Variants in ZBBX observed in about 807,000 individuals in gnomAD.
ZBBX encodes the protein zinc finger B-box domain containing, also known as zinc finger B-box domain-containing protein 1.
Under a neutral mutation model 108.5 loss-of-function variants are expected in ZBBX, and 101 were observed. The ratio of observed to expected loss-of-function variants is 0.93; its 90% CI spans 0.79 to 1.10. ZBBX has a LOEUF of 1.10. Ranked by LOEUF, ZBBX falls within the 50% of genes least tolerant of loss-of-function variation. The pLI, the probability that ZBBX is intolerant of heterozygous loss-of-function variation, is 0.00. For missense variants in ZBBX, 1,009 were observed against 941.4 expected (o/e 1.07, Z -0.94); for synonymous variants, 356 against 323.4 (o/e 1.10, Z -1.08).
chr3:167,313,311 T>C (rs763304059), intron 16 of ZBBX, among the ~76,000 whole-genome samples: 6 of 152,286 alleles, frequency 3.9e-5, no homozygotes, highest in Non-Finnish European at 7.4e-5. Flanking sequence ...GTTTTGCTCT[T>C]GTCGCCTAGG....
chr3:167,336,208 A>G (rs1739524393), intron 9 of ZBBX, among the ~76,000 whole-genome samples: 1 of 152,124 alleles, frequency 6.6e-6, no homozygotes, highest in Admixed American at 6.6e-5. Flanking sequence ...CAATGTTATA[A>G]TAATTGTTAT....
rs1721345626 is a variant in ZBBX, at chr3:167,245,196, G to A, written c.2255-2553C>T. Among the ~76,000 whole-genome samples the A allele has an allele frequency of 3.3e-5, 5 of 152,094 alleles. No homozygotes were observed. In the South Asian group the frequency reaches 1.0e-3, roughly 32 times the overall value. ...TGGGAGGCCGAGGCGGGCGGATCAC[G>A]AGGTCAGGAGATCAAGACCATCCTG... On this transcript the variant is annotated intron_variant, in intron 20 of 21. Coordinates refer to ENST00000675490, the MANE Select transcript of ZBBX (RefSeq NM_001199201.2).
intron 19 of ZBBX, chr3:167,282,701 T>G (rs1051381151): frequency 8.7e-6 from 4 of 461,770 alleles, no homozygotes; most frequent in Admixed American, 3.7e-5. Flanking sequence ...AGAACACTTC[T>G]GTGTATTTTT....
the ZBBX span, among the ~76,000 whole-genome samples, chr3:167,216,507 T>C: frequency 4.6e-5 from 7 of 152,146 alleles, no homozygotes; most frequent in Non-Finnish European, 5.9e-5. Context: ...ACCATGCTCA[T>C]TGATAGGAAG....
At chr3:167,234,924 T>G (rs948394199), downstream of ZBBX, among the ~76,000 whole-genome samples, 11 of 151,748 alleles carry the variant, frequency 7.2e-5, no homozygotes, top group African/African-American at 2.4e-4. Context: ...CTCTTCCCAC[T>G]TCTTCCTTCT....
At chr3:167,228,160 A>C in the ZBBX span, among the ~76,000 whole-genome samples, 1 of 151,844 alleles carries the variant, frequency 6.6e-6, no homozygotes, top group African/African-American at 2.4e-5. Context: ...TCAGCTTCCT[A>C]TGAGTGGATA....
chr3:167,226,171 A>C, the ZBBX span, among the ~76,000 whole-genome samples: 1 of 151,756 alleles, frequency 6.6e-6, no homozygotes, highest in Non-Finnish European at 1.5e-5. Context: ...ACAATAATAA[A>C]AGAGTTAGAG....
At chr3:167,307,668 C>A (rs907893134) in intron 16 of ZBBX, among the ~76,000 whole-genome samples, 4 of 152,138 alleles carry the variant, frequency 2.6e-5, no homozygotes, top group African/African-American at 9.7e-5. Context: ...CACACACCTA[C>A]AGCTATCTGA....
At chr3:167,202,730 T>C in the ZBBX span, among the ~76,000 whole-genome samples, 43,035 of 151,914 alleles carry the variant, frequency 0.28, 6,352 homozygotes, top group African/African-American at 0.35. Flanking sequence ...TGAGGTACCA[T>C]TGCAATGAGC....
intron 9 of ZBBX, among the ~76,000 whole-genome samples, chr3:167,347,933 G>A (rs1278934741): frequency 6.6e-6 from 1 of 151,916 alleles, no homozygotes; most frequent in Non-Finnish European, 1.5e-5. Context: ...AATATTTGAA[G>A]AAACCTTTAA....
rs1747989117 is a variant in ZBBX at position 167,388,507 on chromosome 3, C to T, written c.-445-8102G>A. On this transcript the variant is annotated intron_variant, in intron 1 of 21. Transcript: ENST00000455345. ...TCAGTGAGAATATTAATGCAATCTTCCAGAAAAGACAATCACTAAGTTATG... is the reference window on the plus strand; with the variant it reads ...TCAGTGAGAATATTAATGCAATCTTTCAGAAAAGACAATCACTAAGTTATG... Among the ~76,000 whole-genome samples the T allele has an allele frequency of 2.6e-5, 4 of 151,936 alleles. No individual in the cohort carries two copies. In the South Asian group the frequency reaches 8.3e-4, roughly 32 times the overall value.
chr3:167,388,429 G>C (rs1747987031), intron 1 of ZBBX, among the ~76,000 whole-genome samples: 1 of 151,720 alleles, frequency 6.6e-6, no homozygotes, highest in African/African-American at 2.4e-5. Context: ...ATTTTTATAA[G>C]ATAACATTGG....
chr3:167,300,596 T>TC (rs1354293686), intron 17 of ZBBX, among the ~76,000 whole-genome samples: 52 of 140,556 alleles, frequency 3.7e-4, no homozygotes, highest in East Asian at 2.9e-3. Flanking sequence ...CATTCCCATC[T>TC]CCCCCACCAA....
chr3:167,286,343 C>T (rs1446699933), intron 19 of ZBBX, among the ~76,000 whole-genome samples: 1 of 152,050 alleles, frequency 6.6e-6, no homozygotes, highest in Middle Eastern at 3.2e-3. Flanking sequence ...CTTTTTTCTA[C>T]TTTCTATAGG....
intron 18 of ZBBX, among the ~76,000 whole-genome samples, chr3:167,289,619 C>T (rs1052081453): frequency 1.3e-5 from 2 of 152,212 alleles, no homozygotes; most frequent in Non-Finnish European, 2.9e-5. Flanking sequence ...CAGGAGATCC[C>T]CTCCGGTGCC....
chr3:167,251,445 G>A (rs1722585342), intron 20 of ZBBX, among the ~76,000 whole-genome samples: 1 of 152,178 alleles, frequency 6.6e-6, no homozygotes, highest in South Asian at 2.1e-4. Context: ...CTCTCGTGGA[G>A]TTGGAGCCCC....
rs1490933758 is a variant in ZBBX at position 167,279,817 on chromosome 3, T to C, written c.2254+2421A>G. ...CAATCCTAAGCCAAAAGAACAAAGC[T>C]GGAGGCATCATACTACCTGACTTCA... On this transcript the variant is annotated intron_variant, in intron 20 of 21. Transcript: ENST00000675490. 2.6e-5 allele frequency among the ~76,000 whole-genome samples: 4 copies of C among 152,188 alleles called. No homozygotes were observed. In the East Asian group the frequency reaches 7.7e-4, roughly 29 times the overall value.
At chr3:167,320,630 A>G (rs138382366) in intron 12 of ZBBX, among the ~76,000 whole-genome samples, 1 of 152,106 alleles carries the variant, frequency 6.6e-6, no homozygotes, top group East Asian at 1.9e-4. Context: ...ATATTTATCA[A>G]TTATAAAGGG....
chr3:167,292,165 G>A (rs1266872633), intron 18 of ZBBX, among the ~76,000 whole-genome samples: 2 of 152,058 alleles, frequency 1.3e-5, no homozygotes, highest in Non-Finnish European at 2.9e-5. Flanking sequence ...AAATTAACAA[G>A]GATATCCAGG....
Sources: gnomAD v4.1 joint callset for allele counts (sites outside exome capture counted in the v4.1 genomes callset) on GRCh38, gnomAD v4.1.1 for gene constraint, MANE v1.5 for transcripts, NCBI Gene and HGNC (gene_info 2026-07-23, HGNC 2026-07-21) for gene names.